TMEM181: variants seen among roughly 807,000 people sequenced by gnomAD.
TMEM181 encodes the protein G protein-coupled receptor 178.
TMEM181 carries 39 observed loss-of-function variants against 71.9 expected under a neutral mutation model. The observed-to-expected ratio is 0.54, with a 90% confidence interval of 0.42 to 0.71. TMEM181 has a LOEUF of 0.71. Ranked by LOEUF, TMEM181 falls within the 30% of genes least tolerant of loss-of-function variation. TMEM181 has a pLI of 0.00. For synonymous variants in TMEM181, 245 were observed against 228.8 expected (o/e 1.07, Z -0.64); for missense variants, 595 against 583.0 (o/e 1.02, Z -0.21).
intron 1 of TMEM181, among the ~76,000 whole-genome samples, chr6:158,545,775 C>G (rs757209200): frequency 6.6e-6 from 1 of 151,884 alleles, no homozygotes; most frequent in Non-Finnish European, 1.5e-5. Flanking sequence ...ACTACAGTCT[C>G]GAACTTCTGG....
At position 158,573,495 on chromosome 6, in the gene TMEM181, T is replaced by G. The variant is rs1782992573; in HGVS notation, c.84T>G (p.Phe28Leu). ...TGTTTGTCGTCTTCTTCATCTGCTT[T>G]GGCCTGACCATCTTCGTTGGGATCA... is the stretch of plus-strand genomic sequence containing the variant. ...VLVFVVFFIC[F>L]GLTIFVGIRG... The change falls in exon 2 of 17, where the codon TTT (phenylalanine) becomes TTG (leucine). Residue 28 changes from phenylalanine to leucine, a missense_variant. Physicochemically the swap from Phe to Leu is conservative, Grantham distance 22. Coordinates refer to ENST00000684151, the MANE Select transcript of TMEM181 (RefSeq NM_001376852.1). The G allele has an allele frequency of 1.2e-6, 2 of 1,608,336 alleles. No individual in the cohort carries two copies. Among genetic ancestry groups the G allele is most frequent in the East Asian group, 4.5e-5 (2 of 44,610 alleles).
At chr6:158,574,130 GT>G (rs1487178722) in intron 2 of TMEM181, among the ~76,000 whole-genome samples, 1 of 152,156 alleles carries the variant, frequency 6.6e-6, no homozygotes, top group Non-Finnish European at 1.5e-5. Context: ...CCATTGCTTT[GT>G]TTCCCTCTTA....
Position 158,589,759 on chromosome 6 carries a change from C to A in TMEM181, c.469C>A (p.Pro157Thr). 2 of 1,613,908 alleles carry A rather than the reference C, an allele frequency of 1.2e-6. No homozygotes were observed. The highest frequency in any genetic ancestry group is 1.7e-6 in the Non-Finnish European group (2 of 1,179,808). Residue 157 changes from proline to threonine, a missense_variant, in exon 6 of 17, where the codon CCC (proline) becomes ACC (threonine). Coordinates refer to ENST00000684151, the MANE Select transcript of TMEM181 (RefSeq NM_001376852.1). ...AGTGGGATTTGAACACCTGAAGCTCCCCATCAAGGGAATGAACTTCACAGT... is the reference window on the plus strand; with the variant it reads ...AGTGGGATTTGAACACCTGAAGCTCACCATCAAGGGAATGAACTTCACAGT... ...VIVGFEHLKL[P>T]IKGMNFTWKT... is the part of the protein sequence containing the mutation.
chr6:158,607,098 C>T, intron 7 of TMEM181, 146 bp from the exon 8 acceptor site: 1 of 664,634 alleles, frequency 1.5e-6, no homozygotes, highest in East Asian at 2.7e-5. Flanking sequence ...GTAGGCAATT[C>T]AGCCAGGGCT....
chr6:158,589,263 T>G (rs1321152276), intron 5 of TMEM181, among the ~76,000 whole-genome samples: 3 of 152,168 alleles, frequency 2.0e-5, no homozygotes. Flanking sequence ...CTCTGTTCAT[T>G]ATTATAACAA....
At chr6:158,607,781 A>G (rs1785034487) in intron 8 of TMEM181, among the ~76,000 whole-genome samples, 1 of 152,224 alleles carries the variant, frequency 6.6e-6, no homozygotes, top group South Asian at 2.1e-4. Context: ...CTGCCACCCC[A>G]GGAGCCATGT....
intron 6 of TMEM181, among the ~76,000 whole-genome samples, chr6:158,593,582 C>T (rs968402938): frequency 2.6e-5 from 4 of 152,144 alleles, no homozygotes; most frequent in African/African-American, 9.7e-5. Context: ...TCAGTATCCT[C>T]GGAGAATCGC....
upstream of TMEM181, among the ~76,000 whole-genome samples, chr6:158,557,817 G>C (rs1434145055): frequency 6.6e-6 from 1 of 152,168 alleles, no homozygotes; most frequent in African/African-American, 2.4e-5. Flanking sequence ...GCCCATGCCC[G>C]GTCAATTAAG....
At chr6:158,591,653 T>C (rs534735436) in intron 6 of TMEM181, among the ~76,000 whole-genome samples, 8 of 152,156 alleles carry the variant, frequency 5.3e-5, no homozygotes, top group African/African-American at 1.9e-4. Flanking sequence ...CTTTAGACTT[T>C]GCTATTTCAG....
chr6:158,587,299 A>G (rs1783823992), intron 5 of TMEM181, among the ~76,000 whole-genome samples: 1 of 152,138 alleles, frequency 6.6e-6, no homozygotes, highest in African/African-American at 2.4e-5. Context: ...CATCTTGAGA[A>G]TGGCCCTTCA....
chr6:158,539,859 C>T (rs1162830267), intron 1 of TMEM181, among the ~76,000 whole-genome samples: 2 of 152,212 alleles, frequency 1.3e-5, no homozygotes, highest in African/African-American at 2.4e-5. Flanking sequence ...GAGTTAATTG[C>T]ATTTCACTGG....
intron 1 of TMEM181, among the ~76,000 whole-genome samples, chr6:158,550,966 CTT>C (rs371934475): frequency 6.0e-5 from 8 of 132,948 alleles, no homozygotes; most frequent in East Asian, 2.2e-4. Flanking sequence ...TTATCAATTC[CTT>C]TTTTTTTTTT....
intron 1 of TMEM181, among the ~76,000 whole-genome samples, chr6:158,549,400 CA>C (rs1050178975): frequency 1.3e-5 from 2 of 152,174 alleles, no homozygotes; most frequent in African/African-American, 2.4e-5. Flanking sequence ...AGGTGTGAGC[CA>C]CTGTGCCTGG....
At chr6:158,590,178 C>T (rs990206044) in intron 6 of TMEM181, among the ~76,000 whole-genome samples, 1 of 152,076 alleles carries the variant, frequency 6.6e-6, no homozygotes, top group South Asian at 2.1e-4. Flanking sequence ...CAGCTGAAAT[C>T]TCCCCTTTCC....
chr6:158,571,381 C>CCACCGCGCCCGGCCACCTGCAG (rs1262878234), intron 1 of TMEM181, among the ~76,000 whole-genome samples: 1 of 133,038 alleles, frequency 7.5e-6, no homozygotes, highest in Non-Finnish European at 1.7e-5. Flanking sequence ...TAGGCGTGAT[C>CCACCGCGCCCGGCCACCTGCAG]TGCCCGCCTT....
chr6:158,563,244 A>G (rs1385292982), intron 1 of TMEM181, among the ~76,000 whole-genome samples: 1 of 152,118 alleles, frequency 6.6e-6, no homozygotes, highest in African/African-American at 2.4e-5. Context: ...CCCGGGTTCA[A>G]GCGATTCTCC....
chr6:158,605,097 G>A (rs1784869054), intron 6 of TMEM181, among the ~76,000 whole-genome samples, 170 bp from the exon 7 acceptor site: 1 of 143,776 alleles, frequency 7.0e-6, no homozygotes, highest in Non-Finnish European at 1.5e-5. Flanking sequence ...CTGGGCGATA[G>A]AGCGAGACTC....
intron 1 of TMEM181, among the ~76,000 whole-genome samples, chr6:158,561,042 C>T (rs985779449): frequency 2.6e-5 from 4 of 152,168 alleles, no homozygotes; most frequent in African/African-American, 9.7e-5. Flanking sequence ...GCAGCCGCGC[C>T]TGGCGCAGGA....
intron 1 of TMEM181, among the ~76,000 whole-genome samples, chr6:158,569,792 G>T (rs1562625662): frequency 1.3e-5 from 2 of 152,112 alleles, no homozygotes; most frequent in Admixed American, 1.3e-4. Context: ...TAGAGATGGG[G>T]TTTCACCATG....
Sources: gnomAD v4.1 joint callset for allele counts (sites outside exome capture counted in the v4.1 genomes callset) on GRCh38, gnomAD v4.1.1 for gene constraint, MANE v1.5 for transcripts, NCBI Gene and HGNC (gene_info 2026-07-23, HGNC 2026-07-21) for gene names.